The following HS6ST3 variants were observed in gnomAD, a reference collection of about 807,000 sequenced individuals.
HS6ST3 encodes the protein heparan sulfate 6-O-sulfotransferase 3.
In HS6ST3, 12 loss-of-function variants were observed where a neutral mutation model predicts 36.7. The ratio of observed to expected loss-of-function variants is 0.33; its 90% CI spans 0.21 to 0.53. HS6ST3 has a LOEUF of 0.53. HS6ST3 is among the 20% of genes least tolerant of loss of function. The pLI is 0.95. For missense variants in HS6ST3, 584 were observed against 640.9 expected, an observed-to-expected ratio of 0.91 and a Z score of 0.96; for synonymous variants, 240 against 257.5, an observed-to-expected ratio of 0.93 and a Z score of 0.65.
rs567897818 is a variant in HS6ST3, at chr13:96,169,421, G to A, written c.707+77852G>A. ...TTACGAGGCATAGAATCCCAGAGTC[G>A]TTTGGAATCACAGAGCGGAAAGGAT... On this transcript the variant is annotated intron_variant, in intron 1 of 1. Transcript: ENST00000376705. 5.2e-5 allele frequency: 8 copies of A among 152,604 alleles called. No homozygotes were observed. The South Asian group carries it at 6.2e-4, about 12-fold the overall frequency. 9.5% of individuals were successfully genotyped at this position (152,604 alleles called of 1,614,324 possible).
intron 1 of HS6ST3, among the ~76,000 whole-genome samples, chr13:96,333,889 G>T (rs1034236948): frequency 6.6e-6 from 1 of 152,028 alleles, no homozygotes; most frequent in African/African-American, 2.4e-5. Flanking sequence ...GGAGCTCCAG[G>T]GGGAAGCTTA....
At chr13:96,459,878 C>A (rs1184582276) in intron 1 of HS6ST3, among the ~76,000 whole-genome samples, 1 of 152,098 alleles carries the variant, frequency 6.6e-6, no homozygotes, top group Admixed American at 6.5e-5. Flanking sequence ...TATTTGTAGA[C>A]CACCATTTAA....
At chr13:96,221,621 A>C (rs1001780099) in intron 1 of HS6ST3, among the ~76,000 whole-genome samples, 4 of 152,166 alleles carry the variant, frequency 2.6e-5, no homozygotes, top group Admixed American at 2.6e-4. Context: ...AGTAGAGGTC[A>C]GATACAGTAC....
intron 1 of HS6ST3, among the ~76,000 whole-genome samples, chr13:96,125,390 A>T (rs2053945594): frequency 6.6e-6 from 1 of 152,208 alleles, no homozygotes; most frequent in Admixed American, 6.5e-5. Flanking sequence ...TTTAACTGGC[A>T]CAAAATTCTA....
At chr13:96,317,357 TATATATATATAAAA>T (rs2054978761) in intron 1 of HS6ST3, among the ~76,000 whole-genome samples, 1 of 18,216 alleles carries the variant, frequency 5.5e-5, no homozygotes, top group South Asian at 1.9e-3. Context: ...TATATATATA[TATATATATATAAAA>T]TTATATATAT....
chr13:96,404,408 A>G (rs1347541585), intron 1 of HS6ST3, among the ~76,000 whole-genome samples: 3 of 152,220 alleles, frequency 2.0e-5, no homozygotes, highest in South Asian at 2.1e-4. Flanking sequence ...ACCTGGCTGA[A>G]TATTCCTCTC....
chr13:96,710,557 C>T (rs977953985), intron 1 of HS6ST3, among the ~76,000 whole-genome samples: 9 of 152,256 alleles, frequency 5.9e-5, no homozygotes, highest in East Asian at 1.9e-4. Flanking sequence ...ACATTCTTTT[C>T]GTTATTCAAT....
At position 96,832,805 on chromosome 13, in the gene HS6ST3, A is replaced by G. The variant is rs1318971908; in HGVS notation, c.1023A>G (p.Ala341=). Residue 341 remains alanine (A), a synonymous_variant, in exon 2 of 2, where the codon GCA becomes GCG. Transcript: ENST00000376705. ...GAAACACCATCCTGTTGCAGAGTGC[A>G]AAGAACAACCTGAAGAACATGGCCT... ...SERNTILLQS[A]KNNLKNMAFF... is the part of the protein sequence containing the mutation. The G allele has an allele frequency of 1.2e-6, 2 of 1,614,218 alleles. No homozygotes were observed. Among genetic ancestry groups the G allele is most frequent in the East Asian group, 2.2e-5 (1 of 44,886 alleles).
chr13:96,416,176 T>A (rs931238589), intron 1 of HS6ST3, among the ~76,000 whole-genome samples: 1 of 152,202 alleles, frequency 6.6e-6, no homozygotes, highest in African/African-American at 2.4e-5. Flanking sequence ...GCTTTTTTAT[T>A]TAGGAGATTT....
At chr13:96,478,962 T>C (rs1484780293) in intron 1 of HS6ST3, among the ~76,000 whole-genome samples, 1 of 152,192 alleles carries the variant, frequency 6.6e-6, no homozygotes, top group Admixed American at 6.5e-5. Flanking sequence ...GGGAGGCACA[T>C]TGGATCCAAG....
At chr13:96,554,853 G>A (rs2056233919) in intron 1 of HS6ST3, among the ~76,000 whole-genome samples, 1 of 151,936 alleles carries the variant, frequency 6.6e-6, no homozygotes, top group Non-Finnish European at 1.5e-5. Flanking sequence ...TGGATCACTT[G>A]AGCTCAGGAG....
At chr13:96,753,830 T>G (rs1439823688) in intron 1 of HS6ST3, among the ~76,000 whole-genome samples, 1 of 152,172 alleles carries the variant, frequency 6.6e-6, no homozygotes, top group Non-Finnish European at 1.5e-5. Flanking sequence ...TTAGAATTTT[T>G]TTTTTTTAAG....
At chr13:96,479,272 G>A (rs918817169) in intron 1 of HS6ST3, among the ~76,000 whole-genome samples, 1 of 152,212 alleles carries the variant, frequency 6.6e-6, no homozygotes, top group African/African-American at 2.4e-5. Flanking sequence ...CAGGAAGATG[G>A]AACAGTGAGG....
chr13:96,494,448 C>T (rs1054717677), intron 1 of HS6ST3, among the ~76,000 whole-genome samples: 21 of 150,638 alleles, frequency 1.4e-4, no homozygotes, highest in African/African-American at 3.9e-4. Flanking sequence ...CATTAAATGA[C>T]GAGTTAATGG....
chr13:96,384,890 G>A (rs1422883464), intron 1 of HS6ST3, among the ~76,000 whole-genome samples: 2 of 152,000 alleles, frequency 1.3e-5, no homozygotes, highest in South Asian at 2.1e-4. Context: ...CTCTTAAAAG[G>A]GTTCTTTGGC....
intron 1 of HS6ST3, among the ~76,000 whole-genome samples, chr13:96,270,753 GA>G (rs1282417161): frequency 4.6e-5 from 7 of 151,730 alleles, no homozygotes; most frequent in South Asian, 2.1e-4. Flanking sequence ...TGGAGACTGG[GA>G]AAAAAAAGGA....
intron 1 of HS6ST3, among the ~76,000 whole-genome samples, chr13:96,410,385 G>C (rs1271454072): frequency 6.6e-6 from 1 of 152,010 alleles, no homozygotes; most frequent in Non-Finnish European, 1.5e-5. Flanking sequence ...TTGACAACAA[G>C]CATGTATAGC....
chr13:96,269,976 C>T (rs1369061466), intron 1 of HS6ST3, among the ~76,000 whole-genome samples: 1 of 151,962 alleles, frequency 6.6e-6, no homozygotes, highest in Non-Finnish European at 1.5e-5. Context: ...TTCCTTCCAA[C>T]AAGACTTATC....
chr13:96,438,930 T>C (rs1261763997), intron 1 of HS6ST3, among the ~76,000 whole-genome samples: 1 of 152,034 alleles, frequency 6.6e-6, no homozygotes, highest in Non-Finnish European at 1.5e-5. Context: ...TAGTTGGGCA[T>C]GGTGGCTGGT....
Sources: gnomAD v4.1 joint callset for allele counts (sites outside exome capture counted in the v4.1 genomes callset) on GRCh38, gnomAD v4.1.1 for gene constraint, MANE v1.5 for transcripts, NCBI Gene and HGNC (gene_info 2026-07-23, HGNC 2026-07-21) for gene names.